The following SORBS2 variants were observed in gnomAD, a reference collection of about 807,000 sequenced individuals.
SORBS2 encodes sorbin and SH3 domain containing 2.
A neutral mutation model predicts 97.7 loss-of-function variants in SORBS2; 46 were observed. That is an observed-to-expected ratio of 0.47 (90% confidence interval 0.37 to 0.60). The LOEUF is 0.60. Among genes scored for constraint, SORBS2 ranks in the 20% least tolerant of loss-of-function variants. The pLI is 0.00. For missense variants in SORBS2, 1,316 were observed against 1,282.3 expected (o/e 1.03, Z -0.40); for synonymous variants, 476 against 473.4 (o/e 1.01, Z -0.07).
chr4:185,610,502 G>A (rs548807610), intron 12 of SORBS2, among the ~76,000 whole-genome samples: 104 of 152,080 alleles, frequency 6.8e-4, no homozygotes, highest in Non-Finnish European at 9.4e-4. Flanking sequence ...AGGGTTGAGG[G>A]TAATTATTTG....
intron 1 of SORBS2, 23 bp from the exon 2 acceptor site, chr4:185,775,389 G>A (rs1201146035): frequency 6.6e-6 from 1 of 152,610 alleles, no homozygotes; most frequent in South Asian, 2.1e-4. Flanking sequence ...AAGCAAGAGA[G>A]AGGCAAATGA....
intron 1 of SORBS2, among the ~76,000 whole-genome samples, chr4:185,896,058 C>T (rs2099244859): frequency 6.6e-6 from 1 of 152,096 alleles, no homozygotes; most frequent in South Asian, 2.1e-4. Context: ...GGATCAAATG[C>T]TCATAGGCCA....
intron 1 of SORBS2, among the ~76,000 whole-genome samples, chr4:185,891,477 G>A (rs1029654803): frequency 3.3e-5 from 5 of 152,186 alleles, no homozygotes; most frequent in Admixed American, 2.0e-4. Flanking sequence ...TATCCTAGAG[G>A]AAACAAGATT....
chr4:185,888,360 C>A (rs940528272), intron 1 of SORBS2, among the ~76,000 whole-genome samples: 2 of 151,978 alleles, frequency 1.3e-5, no homozygotes, highest in African/African-American at 4.8e-5. Flanking sequence ...GAGGAGAAGG[C>A]AATGTGGAGA....
intron 2 of SORBS2, among the ~76,000 whole-genome samples, chr4:185,688,048 G>T (rs2098004933): frequency 6.6e-6 from 1 of 151,948 alleles, no homozygotes; most frequent in Admixed American, 6.6e-5. Flanking sequence ...CCCTCATATG[G>T]GTAAATTATA....
chr4:185,900,189 C>T (rs1447920647), intron 1 of SORBS2, among the ~76,000 whole-genome samples: 2 of 152,144 alleles, frequency 1.3e-5, no homozygotes, highest in East Asian at 3.9e-4. Flanking sequence ...TAGAGGCAGA[C>T]AATCGTTCAT....
At chr4:185,745,233 A>AG (rs2098752773) in intron 2 of SORBS2, among the ~76,000 whole-genome samples, 1 of 152,162 alleles carries the variant, frequency 6.6e-6, no homozygotes, top group Admixed American at 6.5e-5. Flanking sequence ...AGTGGGGACT[A>AG]GGGAAGCAGT....
intron 1 of SORBS2, among the ~76,000 whole-genome samples, chr4:185,789,723 T>C (rs1483566555): frequency 6.6e-6 from 1 of 152,114 alleles, no homozygotes; most frequent in East Asian, 1.9e-4. Context: ...AGAGAGACAT[T>C]ATAACTTTTT....
At chr4:185,627,149 G>A (rs2153428252) in intron 5 of SORBS2, 130 bp from the exon 18 acceptor site, 1 of 687,026 alleles carries the variant, frequency 1.5e-6, no homozygotes, top group South Asian at 1.7e-5. Context: ...TGCATTGCTA[G>A]GAACTCATCC....
At chr4:185,884,880 A>G (rs1353732544) in intron 1 of SORBS2, among the ~76,000 whole-genome samples, 1 of 152,178 alleles carries the variant, frequency 6.6e-6, no homozygotes, top group Non-Finnish European at 1.5e-5. Context: ...TACTTTATGC[A>G]ATGATTTTAG....
Position 185,944,821 on chromosome 4 carries a change from G to A in SORBS2, c.-338+11375C>T, listed in dbSNP as rs77612742. ...GTGTCCCACAATCATAAAACAATGAGCTTTTCTCTGCAATCCCATGGCACA... is the reference window on the plus strand; with the variant it reads ...GTGTCCCACAATCATAAAACAATGAACTTTTCTCTGCAATCCCATGGCACA... On this transcript the variant is annotated intron_variant, in intron 1 of 20. Coordinates refer to the SORBS2 transcript ENST00000284776. Among the ~76,000 whole-genome samples, 474 of 152,240 alleles carry A rather than the reference G, an allele frequency of 3.1e-3. 4 individuals are homozygous for A. The highest frequency in any genetic ancestry group is 0.01 in the African/African-American group (431 of 41,538).
intron 2 of SORBS2, among the ~76,000 whole-genome samples, chr4:185,730,549 T>G (rs1268984830): frequency 1.3e-5 from 2 of 152,252 alleles, no homozygotes; most frequent in Non-Finnish European, 2.9e-5. Context: ...AACAGAATAC[T>G]GATGACTCAG....
At chr4:185,843,023 G>A (rs1408472102) in intron 1 of SORBS2, among the ~76,000 whole-genome samples, 1 of 152,002 alleles carries the variant, frequency 6.6e-6, no homozygotes, top group Non-Finnish European at 1.5e-5. Context: ...GAAGGTCTGG[G>A]ACTGAATATG....
chr4:185,791,841 C>G (rs1049197810), intron 1 of SORBS2, among the ~76,000 whole-genome samples: 4 of 152,160 alleles, frequency 2.6e-5, no homozygotes, highest in South Asian at 4.2e-4. Context: ...CTCTGGATTC[C>G]TTTTAAACTC....
chr4:185,932,092 G>A (rs1011309262), intron 1 of SORBS2, among the ~76,000 whole-genome samples: 2 of 150,008 alleles, frequency 1.3e-5, no homozygotes, highest in Non-Finnish European at 2.9e-5. Flanking sequence ...ATATGTGTGT[G>A]TTTATTATAT....
chr4:185,858,137 A>C (rs935898970), intron 1 of SORBS2, among the ~76,000 whole-genome samples: 1 of 152,172 alleles, frequency 6.6e-6, no homozygotes, highest in Non-Finnish European at 1.5e-5. Context: ...CCCAGCTGTA[A>C]AATTTCTCTC....
intron 1 of SORBS2, among the ~76,000 whole-genome samples, chr4:185,858,180 C>G (rs1431618828): frequency 2.6e-5 from 4 of 152,176 alleles, no homozygotes; most frequent in African/African-American, 9.6e-5. Context: ...CTCAGACCGG[C>G]TGACACTTAG....
At chr4:185,697,488 G>C (rs2098193672) in intron 2 of SORBS2, among the ~76,000 whole-genome samples, 1 of 152,094 alleles carries the variant, frequency 6.6e-6, no homozygotes, top group Non-Finnish European at 1.5e-5. Context: ...ACATTGCCAT[G>C]AACAAGAGAA....
At chr4:185,619,983 G>T (rs1216424733) in intron 8 of SORBS2, 80 bp downstream of exon 20, 3 of 862,930 alleles carry the variant, frequency 3.5e-6, no homozygotes, top group African/African-American at 1.7e-5. Flanking sequence ...GTTCGTTACT[G>T]GTTTGGGATA....
Sources: gnomAD v4.1 joint callset for allele counts (sites outside exome capture counted in the v4.1 genomes callset) on GRCh38, gnomAD v4.1.1 for gene constraint, MANE v1.5 for transcripts, NCBI Gene and HGNC (gene_info 2026-07-23, HGNC 2026-07-21) for gene names.